Variants in PPP2R2B observed in about 807,000 individuals in gnomAD.
PPP2R2B encodes protein phosphatase 2 regulatory subunit Bbeta.
PPP2R2B carries 5 observed loss-of-function variants against 46.0 expected under a neutral mutation model. The ratio of observed to expected loss-of-function variants is 0.11; its 90% confidence interval spans 0.06 to 0.23. The LOEUF is 0.23. PPP2R2B is among the 10% of genes least tolerant of loss of function. The probability of loss-of-function intolerance (pLI) is 1.00; values close to 1 mark genes in which losing one functional copy is unlikely to be tolerated. For synonymous variants in PPP2R2B, 215 were observed against 206.7 expected (o/e 1.04, Z -0.34); for missense variants, 367 against 575.0 (o/e 0.64, Z 3.70).
chr5:147,077,824 T>C (rs561781647), intron 2 of PPP2R2B, among the ~76,000 whole-genome samples: 16 of 152,318 alleles, frequency 1.1e-4, no homozygotes, highest in South Asian at 4.1e-4. Flanking sequence ...TCTGACCCAA[T>C]TGACAGTCAG....
Position 146,650,241 on chromosome 5 carries a change from G to A in PPP2R2B, c.625+306C>T, listed in dbSNP as rs187598444. ...ACAGAGAAAGAACCTGAACTCTAGG[G>A]TCTTATCCTATTGTTGATAAAATCA... On this transcript the variant is annotated intron_variant, in intron 6 of 9. Transcript: ENST00000394411. 5.3e-5 allele frequency among the ~76,000 whole-genome samples: 8 copies of A among 152,200 alleles called. No individual in the cohort carries two copies. The East Asian group carries it at 1.5e-3, about 29-fold the overall frequency.
chr5:147,030,530 C>T (rs1360024383), intron 1 of PPP2R2B, among the ~76,000 whole-genome samples: 1 of 152,036 alleles, frequency 6.6e-6, no homozygotes, highest in African/African-American at 2.4e-5. Context: ...AGTCCATTTA[C>T]AATTAATGTA....
chr5:146,747,008 A>C (rs1013123060), intron 2 of PPP2R2B, among the ~76,000 whole-genome samples: 5 of 152,188 alleles, frequency 3.3e-5, no homozygotes, highest in Non-Finnish European at 7.3e-5. Flanking sequence ...AGCATTATTC[A>C]AGGGCTAAGG....
chr5:146,608,657 T>C (rs916156318), intron 7 of PPP2R2B, among the ~76,000 whole-genome samples: 2 of 152,076 alleles, frequency 1.3e-5, no homozygotes, highest in African/African-American at 2.4e-5. Flanking sequence ...TAGCTGGGCA[T>C]AGTGGCGCAT....
intron 7 of PPP2R2B, among the ~76,000 whole-genome samples, chr5:146,631,854 T>C (rs1774442670): frequency 6.6e-6 from 1 of 152,170 alleles, no homozygotes; most frequent in South Asian, 2.1e-4. Context: ...ATGCTCATTG[T>C]GTGCTTCCAA....
intron 1 of PPP2R2B, among the ~76,000 whole-genome samples, chr5:146,940,591 C>T (rs1315012095): frequency 1.3e-5 from 2 of 151,790 alleles, no homozygotes; most frequent in African/African-American, 4.8e-5. Flanking sequence ...TTAATGAGCC[C>T]TTAGAGACTG....
At chr5:146,991,054 A>G (rs1314576045) in intron 1 of PPP2R2B, among the ~76,000 whole-genome samples, 1 of 152,134 alleles carries the variant, frequency 6.6e-6, no homozygotes, top group Non-Finnish European at 1.5e-5. Context: ...GAATATCATT[A>G]AAAAGATAAA....
At chr5:146,706,657 G>A in intron 2 of PPP2R2B, 1 of 852,376 alleles carries the variant, frequency 1.2e-6, no homozygotes, top group Non-Finnish European at 2.0e-6. Context: ...CCGCCTTTGA[G>A]GCCCTCAGTC....
At chr5:146,708,060 A>G (rs1156827701) in intron 2 of PPP2R2B, among the ~76,000 whole-genome samples, 1 of 152,218 alleles carries the variant, frequency 6.6e-6, no homozygotes, top group East Asian at 1.9e-4. Flanking sequence ...TTAAAAATTT[A>G]AAATTTATAT....
rs143780884 is a variant in PPP2R2B at position 146,994,287 on chromosome 5, C to T, written c.79+61378G>A. 1.8e-3 allele frequency among the ~76,000 whole-genome samples: 276 copies of T among 152,200 alleles called. 3 individuals are homozygous for T. The highest frequency in any genetic ancestry group is 5.8e-3 in the African/African-American group (242 of 41,516). ...GAAGGCTCAGAGAGGTAATAACTTG[C>T]GTAACCCAGCAAATAAGTGGCTGAG... is the stretch of plus-strand genomic sequence containing the variant. On this transcript the variant is annotated intron_variant, in intron 1 of 8. Coordinates refer to the PPP2R2B transcript ENST00000336640.
chr5:146,787,231 T>C (rs765053028), intron 2 of PPP2R2B, among the ~76,000 whole-genome samples: 6 of 152,150 alleles, frequency 3.9e-5, no homozygotes, highest in Admixed American at 6.6e-5. Flanking sequence ...AAGGGAAATA[T>C]GGCAACCTGG....
intron 1 of PPP2R2B, among the ~76,000 whole-genome samples, chr5:147,050,804 A>G (rs1756773951): frequency 6.6e-6 from 1 of 152,154 alleles, no homozygotes; most frequent in African/African-American, 2.4e-5. Flanking sequence ...AAAGAATTAG[A>G]AAAATATGAT....
At chr5:147,036,562 C>T (rs1360465895) in intron 1 of PPP2R2B, among the ~76,000 whole-genome samples, 2 of 152,162 alleles carry the variant, frequency 1.3e-5, no homozygotes, top group Non-Finnish European at 2.9e-5. Context: ...AATGGTAGTT[C>T]TGCTTCTAAG....
In PPP2R2B at chr5:146,605,603, T is replaced by A. The variant is rs1375278508; in HGVS notation, c.791-5143A>T. On this transcript the variant is annotated intron_variant, in intron 7 of 9. Transcript: ENST00000394411. The stretch of plus-strand genomic sequence containing the variant: ...ATATCTGGCCTCTACTCACTAGATC[T>A]GCCCTGCTGACTCCATCTGCCCACA... 3.9e-5 allele frequency among the ~76,000 whole-genome samples: 6 copies of A among 152,348 alleles called. No individual in the cohort carries two copies. In the East Asian group the frequency reaches 9.6e-4, roughly 24 times the overall value.
At chr5:146,940,446 C>A (rs998311899) in intron 1 of PPP2R2B, among the ~76,000 whole-genome samples, 1 of 151,386 alleles carries the variant, frequency 6.6e-6, no homozygotes, top group Non-Finnish European at 1.5e-5. Context: ...GAATGCCAGT[C>A]AGGAGTTATA....
rs10591869 is a variant in PPP2R2B, at chr5:146,878,727, AGCTGCTGCTGCTGCTGCTGCTGCT to A, written c.-285_-262del. On this transcript the variant is annotated 5_prime_UTR_variant, in exon 1 of 10. Transcript: ENST00000394411. This position sits in a 1 kb window ranked among gnomAD's most constrained non-coding sequence, Gnocchi z 4.5. ...CTCACACCCACACGCGCGCACTCGC[AGCTGCTGCTGCTGCTGCTGCTGCT>A]GCTGCTGCAGGAGGCTGGAGGCGGC... 12 of 1,297,208 alleles carry A rather than the reference AGCTGCTGCTGCTGCTGCTGCTGCT, an allele frequency of 9.3e-6. No homozygotes were observed. Among genetic ancestry groups the A allele is most frequent in the Non-Finnish European group, 1.1e-5 (11 of 991,008 alleles). The allele number at this position is 1,297,208 out of a possible 1,614,324, so 80.4% of individuals were successfully genotyped here. A position where few individuals can be genotyped will look rare whatever the true frequency, so the allele number is the denominator to read the frequency against.
Position 146,691,257 on chromosome 5 carries a change from G to T in PPP2R2B, c.335-17C>A. On this transcript the variant is annotated splice_polypyrimidine_tract_variant and intron_variant, in intron 4 of 9. Coordinates refer to ENST00000394411, the MANE Select transcript of PPP2R2B (RefSeq NM_181675.4). The stretch of plus-strand genomic sequence containing the variant: ...CAGTTTTATCTGTAGTGGGCAACCA[G>T]ATTAAGTCAGAATTATAGTGAAAAG... 1 of 1,605,342 alleles carries T rather than the reference G, an allele frequency of 6.2e-7. No homozygotes were observed. The highest frequency in any genetic ancestry group is 8.5e-7 in the Non-Finnish European group (1 of 1,172,800).
intron 2 of PPP2R2B, among the ~76,000 whole-genome samples, chr5:146,830,453 A>T (rs1414491945): frequency 6.6e-6 from 1 of 150,760 alleles, no homozygotes; most frequent in Non-Finnish European, 1.5e-5. Context: ...ATGTTACCTC[A>T]CTCTTCCTGC....
chr5:147,036,793 C>T (rs1161362854), intron 1 of PPP2R2B, among the ~76,000 whole-genome samples: 1 of 152,166 alleles, frequency 6.6e-6, no homozygotes, highest in Non-Finnish European at 1.5e-5. Flanking sequence ...CCCTTAAAAT[C>T]CATTGACCCA....
Sources: allele counts gnomAD v4.1 joint callset (sites outside exome capture counted in the v4.1 genomes callset), GRCh38; gene constraint gnomAD v4.1.1; non-coding constraint Gnocchi (gnomAD v3.1); transcripts MANE v1.5; gene names NCBI Gene and HGNC (gene_info 2026-07-23, HGNC 2026-07-21).